PTPRD: variants seen among roughly 807,000 people sequenced by gnomAD.
The protein encoded by PTPRD is receptor-type tyrosine-protein phosphatase delta.
In PTPRD, 34 loss-of-function variants were observed where a neutral mutation model predicts 214.5. The ratio of observed to expected loss-of-function variants is 0.16; its 90% CI spans 0.12 to 0.21. The LOEUF is 0.21. PTPRD is among the 10% of genes least tolerant of loss of function. The pLI, the probability that PTPRD is intolerant of heterozygous loss-of-function variation, is 1.00. For missense variants in PTPRD, 2,545 were observed against 2,398.7 expected (o/e 1.06, Z -1.27); for synonymous variants, 1,128 against 845.7 (o/e 1.33, Z -5.79).
chr9:8,404,727 T>A, intron 35 of PTPRD, 67 bp from the exon 36 acceptor site: 1 of 1,520,874 alleles, frequency 6.6e-7, no homozygotes, highest in Non-Finnish European at 8.9e-7. Flanking sequence ...TAGGCATTTA[T>A]CACATGTAAT....
At chr9:10,172,464 T>G (rs2099215381) in intron 3 of PTPRD, among the ~76,000 whole-genome samples, 1 of 152,238 alleles carries the variant, frequency 6.6e-6, no homozygotes, top group East Asian at 1.9e-4. Context: ...ACCTACTGAA[T>G]TACTTGAAAG....
rs572028934 is a variant in PTPRD, at chr9:10,001,928, T to C, written c.-472+31790A>G. Among the ~76,000 whole-genome samples, 5 of 152,122 alleles carry C rather than the reference T, an allele frequency of 3.3e-5. No individual in the cohort carries two copies. In the South Asian group the frequency reaches 1.0e-3, roughly 31 times the overall value. The stretch of plus-strand genomic sequence containing the variant: ...GTAAATATATTTTTGTTTAAAACGC[T>C]TTTATACTCCTACCTGACTTAAGAG... On this transcript the variant is annotated intron_variant, in intron 4 of 45. Transcript: ENST00000381196.
At chr9:10,382,280 G>A (rs59710442) in intron 2 of PTPRD, among the ~76,000 whole-genome samples, 1 of 151,772 alleles carries the variant, frequency 6.6e-6, no homozygotes, top group East Asian at 1.9e-4. Flanking sequence ...ACTCTTGTTT[G>A]TATTCTTCTT....
At chr9:8,940,279 C>CT (rs567895822) in intron 11 of PTPRD, among the ~76,000 whole-genome samples, 57,213 of 88,908 alleles carry the variant, frequency 0.64, 14,877 homozygotes, top group East Asian at 0.82. Flanking sequence ...CTCTCTCTCT[C>CT]CTTTTTTTTT....
chr9:8,910,435 C>A (rs1246093699), intron 11 of PTPRD, among the ~76,000 whole-genome samples: 1 of 152,006 alleles, frequency 6.6e-6, no homozygotes, highest in Non-Finnish European at 1.5e-5. Context: ...ATGGATTAAT[C>A]CACTAATTAA....
intron 3 of PTPRD, among the ~76,000 whole-genome samples, chr9:10,082,783 G>C (rs1393353915): frequency 6.7e-6 from 1 of 148,668 alleles, no homozygotes; most frequent in African/African-American, 2.5e-5. Flanking sequence ...TACTAGGAAG[G>C]AAAGCACACC....
chr9:10,477,434 C>T (rs942925215), intron 2 of PTPRD, among the ~76,000 whole-genome samples: 6 of 152,052 alleles, frequency 3.9e-5, no homozygotes, highest in Non-Finnish European at 8.8e-5. Flanking sequence ...CAATGAGATA[C>T]CATCTCAAGC....
At chr9:10,395,222 G>C (rs2098144222) in intron 2 of PTPRD, among the ~76,000 whole-genome samples, 1 of 151,362 alleles carries the variant, frequency 6.6e-6, no homozygotes, top group Admixed American at 6.6e-5. Flanking sequence ...ATTTACATTA[G>C]GTATATCTCC....
At chr9:10,113,945 G>C (rs1398433776) in intron 3 of PTPRD, among the ~76,000 whole-genome samples, 2 of 152,118 alleles carry the variant, frequency 1.3e-5, no homozygotes, top group East Asian at 3.8e-4. Context: ...TTTAATCCTA[G>C]AATGTTTGTA....
In PTPRD at chr9:8,514,778, C is replaced by A. The variant is rs542252430; in HGVS notation, c.1543+3070G>T. 3.3e-5 allele frequency among the ~76,000 whole-genome samples: 5 copies of A among 152,296 alleles called. No individual in the cohort carries two copies. The South Asian group carries it at 1.0e-3, about 32-fold the overall frequency. On this transcript the variant is annotated intron_variant, in intron 21 of 45. Coordinates refer to ENST00000381196, the MANE Select transcript of PTPRD (RefSeq NM_002839.4). ...AATGGTAGTTGATAATGATTAGGCT[C>A]TGCGTCCCCACCCAAATCTCTTCTC...
At chr9:9,485,891 G>A (rs1412394377) in intron 8 of PTPRD, among the ~76,000 whole-genome samples, 1 of 151,898 alleles carries the variant, frequency 6.6e-6, no homozygotes, top group Admixed American at 6.6e-5. Flanking sequence ...GGTGGCTCAC[G>A]CCTGTAATCC....
chr9:8,457,003 A>G (rs1349188072), intron 33 of PTPRD, among the ~76,000 whole-genome samples: 1 of 152,232 alleles, frequency 6.6e-6, no homozygotes, highest in Non-Finnish European at 1.5e-5. Context: ...AAAGCCTTAC[A>G]TATGTAACAG....
At chr9:8,387,770 G>T (rs746131700) in intron 37 of PTPRD, among the ~76,000 whole-genome samples, 1 of 152,212 alleles carries the variant, frequency 6.6e-6, no homozygotes, top group Non-Finnish European at 1.5e-5. Context: ...GGAGGTCACA[G>T]TAGTGTTTCT....
At chr9:9,854,691 A>G (rs2061210952) in intron 5 of PTPRD, among the ~76,000 whole-genome samples, 3 of 152,112 alleles carry the variant, frequency 2.0e-5, no homozygotes, top group Admixed American at 2.0e-4. Context: ...TATTTGAATT[A>G]TAATCCAGTT....
At position 9,029,076 on chromosome 9, in the gene PTPRD, A is replaced by G. The variant is rs191257583; in HGVS notation, c.-142-10341T>C. Among the ~76,000 whole-genome samples the G allele has an allele frequency of 3.9e-4, 60 of 152,004 alleles. 1 individual carries two copies. The highest frequency in any genetic ancestry group is 1.3e-3 in the African/African-American group (56 of 41,526). On this transcript the variant is annotated intron_variant, in intron 10 of 45. Transcript: ENST00000381196. The stretch of plus-strand genomic sequence containing the variant: ...TTCAGTATGAAAAATAATATGAAAT[A>G]TCTCATTCATATTAGTCATTATTAT...
chr9:10,416,360 A>C (rs10756037), intron 2 of PTPRD, among the ~76,000 whole-genome samples: 91,285 of 151,724 alleles, frequency 0.6, 28,743 homozygotes, highest in Non-Finnish European at 0.71. Flanking sequence ...CTCCTTCTCA[A>C]AAAAGCAAAA....
intron 10 of PTPRD, among the ~76,000 whole-genome samples, chr9:9,111,910 C>T (rs577366449): frequency 5.9e-5 from 9 of 152,174 alleles, no homozygotes; most frequent in African/African-American, 1.7e-4. Flanking sequence ...TCATTAAGGA[C>T]GACTGCTTCA....
intron 2 of PTPRD, among the ~76,000 whole-genome samples, chr9:10,392,293 G>A (rs1296020231): frequency 6.6e-6 from 1 of 151,932 alleles, no homozygotes; most frequent in East Asian, 2.0e-4. Flanking sequence ...TGGTTAGGTG[G>A]CATTACTTTG....
intron 10 of PTPRD, among the ~76,000 whole-genome samples, chr9:9,137,754 G>A (rs1272446506): frequency 6.6e-6 from 1 of 152,076 alleles, no homozygotes; most frequent in African/African-American, 2.4e-5. Context: ...TCTGACAGTT[G>A]TATATTACAG....
Sources: allele counts gnomAD v4.1 joint callset (sites outside exome capture counted in the v4.1 genomes callset), GRCh38; gene constraint gnomAD v4.1.1; transcripts MANE v1.5; gene names NCBI Gene and HGNC (gene_info 2026-07-23, HGNC 2026-07-21).